B3GNT8: variants seen among roughly 807,000 people sequenced by gnomAD.
B3GNT8 encodes N-acetyllactosaminide beta-1,3-N-acetylglucosaminyltransferase 8.
For missense variants in B3GNT8, 502 were observed against 530.5 expected (o/e 0.95, Z 0.53); for synonymous variants, 258 against 238.3 (o/e 1.08, Z -0.76).
chr19:41,426,817 G>A lies in B3GNT8; in HGVS notation c.-32-7C>T. On this transcript the variant is annotated splice_polypyrimidine_tract_variant and splice_region_variant and intron_variant, in intron 1 of 1. Coordinates refer to ENST00000691102, the MANE Select transcript of B3GNT8 (RefSeq NM_001385648.2). The surrounding 1 kb of genome is among the most constrained non-coding windows in gnomAD (Gnocchi z 4.9). ...GAAGGGGCGGCCGCGGGAGCTACAA[G>A]GGAGCCACAGGGGAGCCACGGAGGC... 6.3e-7 allele frequency: 1 copy of A among 1,594,132 alleles called. No homozygotes were observed. Among genetic ancestry groups the A allele is most frequent in the Non-Finnish European group, 8.5e-7 (1 of 1,173,644 alleles).
rs953447281 is a variant in B3GNT8, at chr19:41,426,110, G to C, written c.669C>G (p.Leu223=). 1.2e-6 allele frequency: 2 copies of C among 1,613,656 alleles called. No individual in the cohort carries two copies. Among genetic ancestry groups the C allele is most frequent in the Admixed American group, 1.7e-5 (1 of 59,990 alleles). Reference sequence around the variant, plus strand: ...GCCAGGCCAGCAGCAGCAGGTCTTTGAGCGTCTGGTTGAATGGGACGTCGA... The same window carrying C: ...GCCAGGCCAGCAGCAGCAGGTCTTTCAGCGTCTGGTTGAATGGGACGTCGA... ...DFLDVPFNQT[L]KDLLLLAWLG... The change falls in exon 2 of 2, where the codon CTC becomes CTG. Residue 223 remains leucine (L), a synonymous_variant. Transcript: ENST00000691102. The surrounding 1 kb of genome is among the most constrained non-coding windows in gnomAD (Gnocchi z 4.9).
In B3GNT8 at chr19:41,426,475, C is replaced by T. The variant is rs758227092; in HGVS notation, c.304G>A (p.Ala102Thr). ...GAGGCGAAGTCAGGGATCTCGGTGG[C>T]GGCGGCGGCCCCCCAAGCCTGGCAG... The part of the protein sequence containing the change: ...GGCQAWGAAA[A>T]TEIPDFASYP... The change falls in exon 2 of 2, where the codon GCC (alanine) becomes ACC (threonine). Residue 102 changes from alanine (A) to threonine (T), a missense_variant. Physicochemically the swap from Ala to Thr is moderately conservative, Grantham distance 58 (BLOSUM62 0). Coordinates refer to ENST00000691102, the MANE Select transcript of B3GNT8 (RefSeq NM_001385648.2). This position sits in a 1 kb window ranked among gnomAD's most constrained non-coding sequence, Gnocchi z 4.9. 7.5e-6 allele frequency: 12 copies of T among 1,596,958 alleles called. No homozygotes were observed. The highest frequency in any genetic ancestry group is 1.1e-5 in the South Asian group (1 of 89,616).
rs775147919 is a variant in B3GNT8, at chr19:41,426,721, T to C, written c.58A>G (p.Lys20Glu). Reference sequence around the variant, plus strand: ...TCGGATGTCCACTCGATGTACACTTTGAGGCCCAGGAGTGTGAGCAGTGCT... The same window carrying C: ...TCGGATGTCCACTCGATGTACACTTCGAGGCCCAGGAGTGTGAGCAGTGCT... ...LSALLTLLGLKVYIEWTSESR... is the reference protein window; with the variant it reads ...LSALLTLLGLEVYIEWTSESR... The change falls in exon 2 of 2, where the codon AAA (lysine) becomes GAA (glutamate). Residue 20 changes from lysine to glutamate, a missense_variant. Coordinates refer to ENST00000691102, the MANE Select transcript of B3GNT8 (RefSeq NM_001385648.2). The surrounding 1 kb of genome is among the most constrained non-coding windows in gnomAD (Gnocchi z 4.9). The C allele has an allele frequency of 6.2e-7, 1 of 1,613,488 alleles. No individual in the cohort carries two copies. Among genetic ancestry groups the C allele is most frequent in the South Asian group, 1.1e-5 (1 of 91,088 alleles).
Position 41,425,569 on chromosome 19 carries a change from C to T in B3GNT8, c.*16G>A, listed in dbSNP as rs1323477467. 2 of 1,194,076 alleles carry T rather than the reference C, an allele frequency of 1.7e-6. No homozygotes were observed. Among genetic ancestry groups the T allele is most frequent in the East Asian group, 2.6e-5 (1 of 38,652 alleles). 74.0% of individuals were successfully genotyped at this position (1,194,076 alleles called of 1,614,324 possible). A position where few individuals can be genotyped will look rare whatever the true frequency, so the allele number is the denominator to read the frequency against. The stretch of plus-strand genomic sequence containing the variant: ...GGCCCAGGCCAGGTCAGCACCTCCG[C>T]CCTCCCCAATGAGAGTCAGCACTGG... On this transcript the variant is annotated 3_prime_UTR_variant, in exon 2 of 2. Coordinates refer to ENST00000691102, the MANE Select transcript of B3GNT8 (RefSeq NM_001385648.2).
rs2039430048 is a variant in B3GNT8 at position 41,426,077 on chromosome 19, G to A, written c.702C>T (p.Arg234=). 6.2e-7 allele frequency: 1 copy of A among 1,613,472 alleles called. No individual in the cohort carries two copies. Among genetic ancestry groups the A allele is most frequent in the Non-Finnish European group, 8.5e-7 (1 of 1,180,000 alleles). ...AGACAAAACTCACGGTGGGGCAGTG[G>A]CGGCCCAGCCAGGCCAGCAGCAGCA... ...KDLLLLAWLG[R]HCPTVSFVLR... is the part of the protein sequence containing the mutation. Residue 234 remains arginine, a synonymous_variant, in exon 2 of 2, where the codon CGC becomes CGT. Coordinates refer to ENST00000691102, the MANE Select transcript of B3GNT8 (RefSeq NM_001385648.2). This position sits in a 1 kb window ranked among gnomAD's most constrained non-coding sequence, Gnocchi z 4.9.
rs752317154 is a variant in B3GNT8 at position 41,425,907 on chromosome 19, T to C, written c.872A>G (p.Tyr291Cys). 23 of 1,613,084 alleles carry C rather than the reference T, an allele frequency of 1.4e-5. No individual in the cohort carries two copies. In the South Asian group the frequency reaches 2.5e-4, roughly 18 times the overall value. ...MPLRKPGGPF[Y>C]VPESFFEGGY... is the part of the protein sequence containing the mutation. The stretch of plus-strand genomic sequence containing the variant: ...ACCTTCGAAGAAGGACTCGGGCACA[T>C]AGAAGGGTCCTCCTGGCTTCCGGAG... The change falls in exon 2 of 2, where the codon TAT (tyrosine) becomes TGT (cysteine). Residue 291 changes from tyrosine (Y) to cysteine (C), a missense_variant. Tyr to Cys is a radical substitution (Grantham distance 194). Coordinates refer to ENST00000691102, the MANE Select transcript of B3GNT8 (RefSeq NM_001385648.2).
Position 41,426,442 on chromosome 19 carries a change from T to C in B3GNT8, c.337A>G (p.Lys113Glu). 1 of 1,608,912 alleles carries C rather than the reference T, an allele frequency of 6.2e-7. No individual in the cohort carries two copies. The highest frequency in any genetic ancestry group is 8.5e-7 in the Non-Finnish European group (1 of 1,178,996). ...TEIPDFASYP[K>E]DLRRFLLSAA... Reference sequence around the variant, plus strand: ...GACAGCAAGAAGCGGCGGAGGTCCTTGGGGTAGGAGGCGAAGTCAGGGATC... The same window carrying C: ...GACAGCAAGAAGCGGCGGAGGTCCTCGGGGTAGGAGGCGAAGTCAGGGATC... Residue 113 changes from lysine to glutamate, a missense_variant, in exon 2 of 2, where the codon AAG becomes GAG. Transcript: ENST00000691102. The surrounding 1 kb of genome is among the most constrained non-coding windows in gnomAD (Gnocchi z 4.9).
chr19:41,426,788 C>T lies in B3GNT8; in HGVS notation c.-10G>A. The T allele has an allele frequency of 1.9e-6, 3 of 1,609,856 alleles. No homozygotes were observed. The highest frequency in any genetic ancestry group is 1.1e-5 in the South Asian group (1 of 91,052). ...ACTTGGGGCAGCGCATGACCCGGCC[C>T]AGGGAAGGGGCGGCCGCGGGAGCTA... On this transcript the variant is annotated 5_prime_UTR_variant, in exon 2 of 2. Coordinates refer to ENST00000691102, the MANE Select transcript of B3GNT8 (RefSeq NM_001385648.2). The surrounding 1 kb of genome is among the most constrained non-coding windows in gnomAD (Gnocchi z 4.9).
In B3GNT8 at chr19:41,425,626, G is replaced by T; in HGVS notation, c.1153C>A (p.Arg385=). ...VRPLGPQASI[R]LWKQLQDPRL... ...GGGTCTTGCAGTTGTTTCCAGAGCCGAATGCTGGCCTGGGGGCCCAGGGGC... is the reference window on the plus strand; with the variant it reads ...GGGTCTTGCAGTTGTTTCCAGAGCCTAATGCTGGCCTGGGGGCCCAGGGGC... The change falls in exon 2 of 2, where the codon CGG becomes AGG. Residue 385 remains arginine (R), a synonymous_variant. Transcript: ENST00000691102. 6.6e-7 allele frequency: 1 copy of T among 1,515,092 alleles called. No individual in the cohort carries two copies. The highest frequency in any genetic ancestry group is 8.8e-7 in the Non-Finnish European group (1 of 1,132,612). The allele number at this position is 1,515,092 out of a possible 1,614,324, so 93.9% of individuals were successfully genotyped here. A position where few individuals can be genotyped will look rare whatever the true frequency, so the allele number is the denominator to read the frequency against.
Position 41,425,366 on chromosome 19 carries a change from G to A in B3GNT8, c.*219C>T. 5.5e-6 allele frequency: 2 copies of A among 363,702 alleles called. No individual in the cohort carries two copies. The highest frequency in any genetic ancestry group is 9.9e-6 in the Non-Finnish European group (2 of 202,790). 22.5% of individuals were successfully genotyped at this position (363,702 alleles called of 1,614,324 possible). A position where few individuals can be genotyped will look rare whatever the true frequency, so the allele number is the denominator to read the frequency against. Reference sequence around the variant, plus strand: ...CAAAAACAACCCCAGGCCTCAGAGTGGGGAGTGCATGTTTTTCAAAAACAA... The same window carrying A: ...CAAAAACAACCCCAGGCCTCAGAGTAGGGAGTGCATGTTTTTCAAAAACAA... On this transcript the variant is annotated 3_prime_UTR_variant, in exon 2 of 2. Transcript: ENST00000691102.
upstream of B3GNT8, among the ~76,000 whole-genome samples, chr19:41,428,392 C>T (rs1264401305): frequency 6.6e-6 from 1 of 152,164 alleles, no homozygotes; most frequent in African/African-American, 2.4e-5. The surrounding 1 kb of genome is among the most constrained non-coding windows in gnomAD (Gnocchi z 6.1). Flanking sequence ...CACCCCGGGC[C>T]CCTCCCCTCC....
rs751096019 is a variant in B3GNT8, at chr19:41,425,776, C to T, written c.1003G>A (p.Val335Ile). 7 of 1,612,010 alleles carry T rather than the reference C, an allele frequency of 4.3e-6. No homozygotes were observed. Among genetic ancestry groups the T allele is most frequent in the South Asian group, 1.1e-5 (1 of 90,966 alleles). ...GCTCGGATGCAAAGGCCAGTGTAGA[C>T]GTCCTCAAAGGGGAAGGGTGCCACA... Reference protein sequence around the residue: ...ARVAPFPFEDVYTGLCIRALG... With the variant: ...ARVAPFPFEDIYTGLCIRALG... Residue 335 changes from valine to isoleucine, a missense_variant, in exon 2 of 2, where the codon GTC becomes ATC. Transcript: ENST00000691102.
In B3GNT8 at chr19:41,426,042, T is replaced by G; in HGVS notation, c.737A>C (p.Gln246Pro). The G allele has an allele frequency of 6.2e-7, 1 of 1,613,470 alleles. No homozygotes were observed. Among genetic ancestry groups the G allele is most frequent in the Non-Finnish European group, 8.5e-7 (1 of 1,179,832 alleles). ...AGGGGTGTGTACAAAGGCATCGTCC[T>G]GAGCTCGCAAGACAAAACTCACGGT... ...CPTVSFVLRA[Q>P]DDAFVHTPAL... The change falls in exon 2 of 2, where the codon CAG becomes CCG. Residue 246 changes from glutamine to proline, a missense_variant. Physicochemically the swap from Gln to Pro is moderately conservative, Grantham distance 76 (BLOSUM62 -1). Transcript: ENST00000691102. This position sits in a 1 kb window ranked among gnomAD's most constrained non-coding sequence, Gnocchi z 4.9.
rs2039443641 is a variant in B3GNT8 at position 41,426,832 on chromosome 19, G to A, written c.-32-22C>T. 1.3e-6 allele frequency: 2 copies of A among 1,565,094 alleles called. No individual in the cohort carries two copies. The highest frequency in any genetic ancestry group is 2.7e-5 in the African/African-American group (2 of 74,232). On this transcript the variant is annotated intron_variant, in intron 1 of 1. Coordinates refer to ENST00000691102, the MANE Select transcript of B3GNT8 (RefSeq NM_001385648.2). The surrounding 1 kb of genome is among the most constrained non-coding windows in gnomAD (Gnocchi z 4.9). ...GGAGCTACAAGGGAGCCACAGGGGAGCCACGGAGGCCATTGGGGTGTGGGG... is the reference window on the plus strand; with the variant it reads ...GGAGCTACAAGGGAGCCACAGGGGAACCACGGAGGCCATTGGGGTGTGGGG...
rs2039437460 is a variant in B3GNT8 at position 41,426,492 on chromosome 19, G to A, written c.287C>T (p.Ala96Val). Residue 96 changes from alanine (A) to valine (V), a missense_variant, in exon 2 of 2, where the codon GCT (alanine) becomes GTT (valine). Coordinates refer to ENST00000691102, the MANE Select transcript of B3GNT8 (RefSeq NM_001385648.2). This position sits in a 1 kb window ranked among gnomAD's most constrained non-coding sequence, Gnocchi z 4.9. ...GDSTETGGCQ[A>V]WGAAAATEIP... Reference sequence around the variant, plus strand: ...CTCGGTGGCGGCGGCGGCCCCCCAAGCCTGGCAGCCCCCCGTTTCAGTGCT... The same window carrying A: ...CTCGGTGGCGGCGGCGGCCCCCCAAACCTGGCAGCCCCCCGTTTCAGTGCT... 2 of 1,591,188 alleles carry A rather than the reference G, an allele frequency of 1.3e-6. No homozygotes were observed. The highest frequency in any genetic ancestry group is 1.7e-6 in the Non-Finnish European group (2 of 1,169,410).
In B3GNT8 at chr19:41,426,690, C is replaced by A. The variant is rs202077048; in HGVS notation, c.89G>T (p.Arg30Leu). 34 of 1,613,634 alleles carry A rather than the reference C, an allele frequency of 2.1e-5. No individual in the cohort carries two copies. The East Asian group carries it at 5.1e-4, about 24-fold the overall frequency. ...KVYIEWTSES[R>L]LSKAYPSPRG... Reference sequence around the variant, plus strand: ...AGGGCTGGGGTAGGCCTTGCTGAGCCGGGACTCGGATGTCCACTCGATGTA... The same window carrying A: ...AGGGCTGGGGTAGGCCTTGCTGAGCAGGGACTCGGATGTCCACTCGATGTA... Residue 30 changes from arginine (R) to leucine (L), a missense_variant, in exon 2 of 2, where the codon CGG (arginine) becomes CTG (leucine). Transcript: ENST00000691102. This position sits in a 1 kb window ranked among gnomAD's most constrained non-coding sequence, Gnocchi z 4.9.
In B3GNT8 at chr19:41,426,575, C is replaced by T; in HGVS notation, c.204G>A (p.Leu68=). ...GCTGCTGGTTCCAGTAAGCAAAGGG[C>T]AGCGGGATAGTCTGGCCCAGGCGGG... The part of the protein sequence containing the change: ...LSTRLGQTIP[L]PFAYWNQQQW... The change falls in exon 2 of 2, where the codon CTG becomes CTA. Residue 68 remains leucine (L), a synonymous_variant. Transcript: ENST00000691102. This position sits in a 1 kb window ranked among gnomAD's most constrained non-coding sequence, Gnocchi z 4.9. 1 of 1,606,176 alleles carries T rather than the reference C, an allele frequency of 6.2e-7. No individual in the cohort carries two copies. The highest frequency in any genetic ancestry group is 8.5e-7 in the Non-Finnish European group (1 of 1,176,266).
At position 41,427,031 on chromosome 19, in the gene B3GNT8, C is replaced by T. The variant is rs887553902; in HGVS notation, c.-32-221G>A. ...ACCTAGGAGTCCCCCATTCCAATCC[C>T]GTACCAGCACCCTGTTCTTCCCACT... On this transcript the variant is annotated intron_variant, in intron 1 of 1. Coordinates refer to ENST00000691102, the MANE Select transcript of B3GNT8 (RefSeq NM_001385648.2). The surrounding 1 kb of genome is among the most constrained non-coding windows in gnomAD (Gnocchi z 5.6). 6.6e-6 allele frequency among the ~76,000 whole-genome samples: 1 copy of T among 152,118 alleles called. No individual in the cohort carries two copies.
In B3GNT8 at chr19:41,425,448, G is replaced by A. The variant is rs1424747261; in HGVS notation, c.*137C>T. 20 of 611,398 alleles carry A rather than the reference G, an allele frequency of 3.3e-5. No individual in the cohort carries two copies. The highest frequency in any genetic ancestry group is 2.3e-4 in the Admixed American group (6 of 26,040). 37.9% of individuals were successfully genotyped at this position (611,398 alleles called of 1,614,324 possible). A position where few individuals can be genotyped will look rare whatever the true frequency, so the allele number is the denominator to read the frequency against. On this transcript the variant is annotated 3_prime_UTR_variant, in exon 2 of 2. Transcript: ENST00000691102. The stretch of plus-strand genomic sequence containing the variant: ...TTTCCTGCCCAGGCCCCTGGCTGGG[G>A]GAGGCCAAGGAGTGGCTTAAGTTGT...
Sources: gnomAD v4.1 joint callset for allele counts (sites outside exome capture counted in the v4.1 genomes callset) on GRCh38, gnomAD v4.1.1 for gene constraint, Gnocchi (gnomAD v3.1) non-coding constraint, MANE v1.5 for transcripts, NCBI Gene and HGNC (gene_info 2026-07-23, HGNC 2026-07-21) for gene names.